BCAS3: variants seen among roughly 807,000 people sequenced by gnomAD.
The protein encoded by BCAS3 is BCAS3 microtubule associated cell migration factor, also known as BCAS4/BCAS3 fusion.
BCAS3 carries 53 observed loss-of-function variants against 116.1 expected under a neutral mutation model. The observed-to-expected ratio is 0.46, with a 90% CI of 0.37 to 0.57. BCAS3 has a LOEUF of 0.57. Among genes scored for constraint, BCAS3 ranks in the 20% least tolerant of loss-of-function variants. The pLI is 0.00. For synonymous variants in BCAS3, 391 were observed against 408.2 expected, an observed-to-expected ratio of 0.96 and a Z score of 0.51; for missense variants, 917 against 1,165.4, an observed-to-expected ratio of 0.79 and a Z score of 3.10.
At chr17:60,838,002 T>A (rs2051525259) in intron 7 of BCAS3, among the ~76,000 whole-genome samples, 1 of 152,122 alleles carries the variant, frequency 6.6e-6, no homozygotes, top group African/African-American at 2.4e-5. Flanking sequence ...ACATTTAAAT[T>A]AAAAAATTTT....
intron 16 of BCAS3, among the ~76,000 whole-genome samples, chr17:61,027,676 T>C (rs978736762): frequency 9.9e-5 from 15 of 151,952 alleles, no homozygotes; most frequent in Non-Finnish European, 1.8e-4. Flanking sequence ...TAGATCCCAA[T>C]TGACACACTT....
At chr17:61,240,868 A>G (rs1457513407) in intron 22 of BCAS3, among the ~76,000 whole-genome samples, 1 of 152,210 alleles carries the variant, frequency 6.6e-6, no homozygotes, top group Non-Finnish European at 1.5e-5. Flanking sequence ...TTCTTCCCGA[A>G]AAGAAGCATT....
chr17:60,686,085 G>T (rs764424087), intron 3 of BCAS3, among the ~76,000 whole-genome samples: 4 of 151,912 alleles, frequency 2.6e-5, no homozygotes, highest in Non-Finnish European at 5.9e-5. Flanking sequence ...AGCTAGGATG[G>T]TCTCCATCTC....
rs368866617 is a variant in BCAS3 at position 61,246,794 on chromosome 17, T to A, written c.2426-121533T>A. On this transcript the variant is annotated intron_variant, in intron 22 of 23. Transcript: ENST00000407086. The stretch of plus-strand genomic sequence containing the variant: ...GGGTAGTTTTGCCTTTGAGTGAGAG[T>A]GTGTGTGTGTGTGTGTGTGTGTGTG... Among the ~76,000 whole-genome samples the A allele has an allele frequency of 1.1e-3, 33 of 30,326 alleles. 1 individual carries two copies. The South Asian group carries it at 0.018, about 17-fold the overall frequency. 19.9% of individuals were successfully genotyped at this position (30,326 alleles called of 152,430 possible). A position where few individuals can be genotyped will look rare whatever the true frequency, so the allele number is the denominator to read the frequency against.
At chr17:60,840,917 A>G (rs2051839843) in intron 7 of BCAS3, among the ~76,000 whole-genome samples, 1 of 152,316 alleles carries the variant, frequency 6.6e-6, no homozygotes, top group South Asian at 2.1e-4. Flanking sequence ...TTATCATTTC[A>G]AAAACTCTCC....
chr17:61,349,047 C>T lies in BCAS3; in HGVS notation c.2426-19280C>T, dbSNP rs1568913412. 3.3e-5 allele frequency among the ~76,000 whole-genome samples: 5 copies of T among 151,700 alleles called. No homozygotes were observed. The highest frequency in any genetic ancestry group is 4.8e-5 in the African/African-American group (2 of 41,260). ...GATTACAGGCGTGAGCCACCGTGCCCGGCCCTCTTGGGCAGAGATTCTTAA... is the reference window on the plus strand; with the variant it reads ...GATTACAGGCGTGAGCCACCGTGCCTGGCCCTCTTGGGCAGAGATTCTTAA... On this transcript the variant is annotated intron_variant, in intron 22 of 23. Coordinates refer to ENST00000407086, the MANE Select transcript of BCAS3 (RefSeq NM_017679.5). The surrounding 1 kb of genome is among the most constrained non-coding windows in gnomAD (Gnocchi z 4.7).
Position 61,241,098 on chromosome 17 carries a change from T to C in BCAS3, c.2426-127229T>C, listed in dbSNP as rs969122023. ...CCCTTCAAAAGACTCTGAATAGCAA[T>C]TACAATACAGTTAAGCTTTCTTTGG... On this transcript the variant is annotated intron_variant, in intron 22 of 23. Transcript: ENST00000407086. The surrounding 1 kb of genome is among the most constrained non-coding windows in gnomAD (Gnocchi z 4.6). 1.1e-4 allele frequency among the ~76,000 whole-genome samples: 16 copies of C among 152,196 alleles called. No individual in the cohort carries two copies. The highest frequency in any genetic ancestry group is 1.5e-5 in the Non-Finnish European group (1 of 68,044).
chr17:61,298,746 G>A (rs1290726420), intron 22 of BCAS3, among the ~76,000 whole-genome samples: 4 of 152,088 alleles, frequency 2.6e-5, no homozygotes, highest in African/African-American at 7.2e-5. Flanking sequence ...AGAGTTCAGT[G>A]CCCTCAAGTG....
At position 60,990,716 on chromosome 17, in the gene BCAS3, G is replaced by A. The variant is rs938375703; in HGVS notation, c.1486+481G>A. Among the ~76,000 whole-genome samples, 12 of 151,406 alleles carry A rather than the reference G, an allele frequency of 7.9e-5. No individual in the cohort carries two copies. In the South Asian group the frequency reaches 1.0e-3, roughly 13 times the overall value. ...GGCTGGCATGCAATGGCGTGATCTC[G>A]GCTGACTGCAACCTCTACCTCCCAG... On this transcript the variant is annotated intron_variant, in intron 15 of 23. Transcript: ENST00000407086. The surrounding 1 kb of genome is among the most constrained non-coding windows in gnomAD (Gnocchi z 5.1).
intron 23 of BCAS3, among the ~76,000 whole-genome samples, chr17:61,375,841 G>A (rs1305980350): frequency 6.6e-6 from 1 of 152,142 alleles, no homozygotes; most frequent in Non-Finnish European, 1.5e-5. Flanking sequence ...CCAAAGTGCT[G>A]GGATTACATG....
intron 19 of BCAS3, among the ~76,000 whole-genome samples, chr17:61,059,413 A>G (rs2069753033): frequency 6.6e-6 from 1 of 151,962 alleles, no homozygotes; most frequent in Non-Finnish European, 1.5e-5. Flanking sequence ...TATTAATAAT[A>G]CCTACCTTAC....
intron 22 of BCAS3, among the ~76,000 whole-genome samples, chr17:61,094,629 C>G (rs1473708129): frequency 6.6e-6 from 1 of 152,140 alleles, no homozygotes; most frequent in Non-Finnish European, 1.5e-5. Context: ...GGGTGGATCA[C>G]CTGAGGTTAG....
chr17:61,329,020 G>A (rs1031077354), intron 22 of BCAS3, among the ~76,000 whole-genome samples: 9 of 146,126 alleles, frequency 6.2e-5, no homozygotes, highest in Non-Finnish European at 9.0e-5. Context: ...TCAGCCTCCC[G>A]AATAGCTGGG....
At chr17:61,255,703 T>C (rs923789733) in intron 22 of BCAS3, among the ~76,000 whole-genome samples, 3 of 152,340 alleles carry the variant, frequency 2.0e-5, no homozygotes, top group South Asian at 2.1e-4. Flanking sequence ...GCCTAGACTA[T>C]TTCTTCATTT....
At chr17:61,147,143 C>T (rs1236553105) in intron 22 of BCAS3, among the ~76,000 whole-genome samples, 3 of 151,110 alleles carry the variant, frequency 2.0e-5, no homozygotes, top group Admixed American at 6.6e-5. Flanking sequence ...GGTGTGATCT[C>T]GGCTCACTGC....
intron 22 of BCAS3, among the ~76,000 whole-genome samples, chr17:61,225,604 T>C (rs2082330841): frequency 6.6e-6 from 1 of 152,182 alleles, no homozygotes; most frequent in African/African-American, 2.4e-5. Flanking sequence ...ATCTTAATTA[T>C]CTCAGTTTTA....
At chr17:60,920,011 CA>C (rs1431624033) in intron 12 of BCAS3, among the ~76,000 whole-genome samples, 1 of 151,904 alleles carries the variant, frequency 6.6e-6, no homozygotes, top group Admixed American at 6.6e-5. Flanking sequence ...CCAGTTATAC[CA>C]ACAATATATT....
intron 22 of BCAS3, among the ~76,000 whole-genome samples, chr17:61,201,346 C>T (rs887993825): frequency 1.3e-5 from 2 of 152,226 alleles, no homozygotes; most frequent in Non-Finnish European, 2.9e-5. Flanking sequence ...TTGATTTTAT[C>T]AGGCTTGCCA....
intron 23 of BCAS3, among the ~76,000 whole-genome samples, chr17:61,374,466 C>T (rs1276284860): frequency 6.6e-6 from 1 of 152,230 alleles, no homozygotes; most frequent in Non-Finnish European, 1.5e-5. Flanking sequence ...CCACTGCACC[C>T]GGCCTGCTGT....
Sources: gnomAD v4.1 joint callset for allele counts (sites outside exome capture counted in the v4.1 genomes callset) on GRCh38, gnomAD v4.1.1 for gene constraint, Gnocchi (gnomAD v3.1) non-coding constraint, MANE v1.5 for transcripts, NCBI Gene and HGNC (gene_info 2026-07-23, HGNC 2026-07-21) for gene names.